The following COL27A1 variants were observed in gnomAD, a reference collection of about 807,000 sequenced individuals.
COL27A1 encodes collagen alpha-1(XXVII) chain.
COL27A1 carries 106 observed loss-of-function variants against 251.3 expected under a neutral mutation model. That is an observed-to-expected ratio of 0.42 (90% confidence interval 0.36 to 0.50). COL27A1 has a LOEUF of 0.50. Among genes scored for constraint, COL27A1 ranks in the 20% least tolerant of loss-of-function variants. COL27A1 has a pLI of 0.00. For synonymous variants in COL27A1, 1,000 were observed against 986.3 expected, an observed-to-expected ratio of 1.01 and a Z score of -0.26; for missense variants, 2,325 against 2,522.8, an observed-to-expected ratio of 0.92 and a Z score of 1.68.
intron 5 of COL27A1, 150 bp from the exon 6 acceptor site, chr9:114,194,254 A>G: frequency 1.3e-6 from 1 of 773,494 alleles, no homozygotes; most frequent in Admixed American, 2.1e-5. Context: ...GGAGTAGTAG[A>G]ATTGGAGAAG....
intron 27 of COL27A1, among the ~76,000 whole-genome samples, chr9:114,255,973 G>A (rs1833893494): frequency 6.6e-6 from 1 of 152,188 alleles, no homozygotes; most frequent in Admixed American, 6.5e-5. Flanking sequence ...ATCGGAAATG[G>A]TGCAGTGCAT....
Position 114,311,828 on chromosome 9 carries a change from G to A in COL27A1, c.*1133G>A, listed in dbSNP as rs1588915357. 6.6e-6 allele frequency: 1 copy of A among 152,228 alleles called. No homozygotes were observed. Among genetic ancestry groups the A allele is most frequent in the African/African-American group, 2.4e-5 (1 of 41,450 alleles). 9.4% of individuals were successfully genotyped at this position (152,228 alleles called of 1,614,324 possible). ...TTGGGTCAGGGCTAGGCTTAGAGGTGAAGCATCAACATGGAACCATCTCAG... is the reference window on the plus strand; with the variant it reads ...TTGGGTCAGGGCTAGGCTTAGAGGTAAAGCATCAACATGGAACCATCTCAG... On this transcript the variant is annotated 3_prime_UTR_variant, in exon 61 of 61. Transcript: ENST00000356083.
intron 5 of COL27A1, among the ~76,000 whole-genome samples, chr9:114,184,015 T>C (rs1023978765): frequency 1.3e-5 from 2 of 151,942 alleles, no homozygotes; most frequent in African/African-American, 4.8e-5. Flanking sequence ...AACATTTAGG[T>C]CATGGGAAAA....
intron 14 of COL27A1, among the ~76,000 whole-genome samples, 155 bp downstream of exon 14, chr9:114,222,422 A>G (rs1311938972): frequency 1.9e-5 from 2 of 105,072 alleles, no homozygotes; most frequent in Admixed American, 2.4e-4. Context: ...GGAGAGACCA[A>G]CCTGGGTGAG....
chr9:114,178,008 GA>G (rs1172191272), intron 3 of COL27A1, among the ~76,000 whole-genome samples: 1 of 152,190 alleles, frequency 6.6e-6, no homozygotes, highest in Non-Finnish European at 1.5e-5. Context: ...TAGAGGAAAA[GA>G]AGGGACTTTG....
intron 1 of COL27A1, among the ~76,000 whole-genome samples, chr9:114,159,470 G>T (rs1008213822): frequency 2.6e-5 from 4 of 152,152 alleles, no homozygotes; most frequent in African/African-American, 9.7e-5. Flanking sequence ...GCCAGACAAG[G>T]GCCAGGAAGA....
At chr9:114,194,082 G>A (rs908646783) in intron 5 of COL27A1, among the ~76,000 whole-genome samples, 2 of 152,200 alleles carry the variant, frequency 1.3e-5, no homozygotes, top group Non-Finnish European at 2.9e-5. Flanking sequence ...TGAGGATAGA[G>A]CAGAGGGACC....
chr9:114,213,670 G>A (rs1325463079), intron 12 of COL27A1, among the ~76,000 whole-genome samples: 3 of 152,170 alleles, frequency 2.0e-5, no homozygotes, highest in South Asian at 2.1e-4. Context: ...AGGAAGCAAC[G>A]AGTATTGAGG....
intron 23 of COL27A1, among the ~76,000 whole-genome samples, chr9:114,243,924 CATTTTTTTT>C (rs1379410058): frequency 0.023 from 3,160 of 138,056 alleles, 150 homozygotes; most frequent in African/African-American, 0.084. Context: ...TTTTTTCTTT[CATTTTTTTT>C]TTTTTTTTTT....
intron 41 of COL27A1, among the ~76,000 whole-genome samples, chr9:114,286,071 C>A (rs968807169): frequency 1.3e-5 from 2 of 152,186 alleles, no homozygotes; most frequent in African/African-American, 4.8e-5. Flanking sequence ...GTTCATTCCT[C>A]CAGCTCTCCA....
At chr9:114,235,737 C>G (rs147914140) in intron 17 of COL27A1, 85 bp downstream of exon 17, 162 of 1,024,208 alleles carry the variant, frequency 1.6e-4, no homozygotes, top group Admixed American at 3.9e-4. Context: ...TAGGGTCCAT[C>G]ATGAGCAAGG....
chr9:114,279,909 A>C (rs532543152), intron 37 of COL27A1, among the ~76,000 whole-genome samples: 5 of 152,286 alleles, frequency 3.3e-5, no homozygotes, highest in East Asian at 1.9e-4. Flanking sequence ...ATATATCCAA[A>C]TATTATCATT....
At chr9:114,167,645 A>T in intron 2 of COL27A1, 44 bp from the exon 3 acceptor site, 1 of 1,533,426 alleles carries the variant, frequency 6.5e-7, no homozygotes, top group Non-Finnish European at 8.9e-7. Flanking sequence ...GGTGGGCTGG[A>T]GCAGGCCCTG....
rs572699074 is a variant in COL27A1 at position 114,240,211 on chromosome 9, T to A, written c.2728-9T>A. ...CCCGTGGGTGACCCTGCTCTCTGCT[T>A]CCCCTCAGGGATTCCCAGGAGACAT... On this transcript the variant is annotated splice_polypyrimidine_tract_variant and intron_variant, in intron 19 of 60. Transcript: ENST00000356083. The A allele has an allele frequency of 1.2e-6, 2 of 1,612,798 alleles. No homozygotes were observed. Among genetic ancestry groups the A allele is most frequent in the East Asian group, 4.5e-5 (2 of 44,852 alleles).
intron 41 of COL27A1, among the ~76,000 whole-genome samples, chr9:114,285,376 G>A (rs1277659065): frequency 1.3e-5 from 2 of 152,148 alleles, no homozygotes; most frequent in Non-Finnish European, 2.9e-5. Flanking sequence ...GGCCAGGAGT[G>A]CCAGAAGGTC....
chr9:114,162,031 G>A (rs1343611381), intron 1 of COL27A1, among the ~76,000 whole-genome samples: 1 of 152,194 alleles, frequency 6.6e-6, no homozygotes, highest in Non-Finnish European at 1.5e-5. Flanking sequence ...ACTCATTCGG[G>A]GTCATACAGC....
At chr9:114,163,403 T>TAAAAAAA (rs778377725) in intron 2 of COL27A1, among the ~76,000 whole-genome samples, 1 of 140,718 alleles carries the variant, frequency 7.1e-6, no homozygotes, top group Non-Finnish European at 1.5e-5. Flanking sequence ...TAAGAACTGC[T>TAAAAAAA]AAAAAAAAAA....
Position 114,161,893 on chromosome 9 carries a change from T to C in COL27A1, c.63-822T>C, listed in dbSNP as rs554516998. Among the ~76,000 whole-genome samples, 18 of 152,186 alleles carry C rather than the reference T, an allele frequency of 1.2e-4. No individual in the cohort carries two copies. In the East Asian group the frequency reaches 3.3e-3, roughly 28 times the overall value. On this transcript the variant is annotated intron_variant, in intron 1 of 60. Transcript: ENST00000356083. ...ACAGTGGGGACCATCTAGGGGAGTA[T>C]TTTTGTGGCTGGCAGCAGACTGAGC...
At chr9:114,253,423 A>G (rs548196220) in intron 27 of COL27A1, among the ~76,000 whole-genome samples, 1 of 145,842 alleles carries the variant, frequency 6.9e-6, no homozygotes, top group South Asian at 2.4e-4. Flanking sequence ...AGAAGAGGAG[A>G]AAAAAGAGGA....
Sources: allele counts gnomAD v4.1 joint callset (sites outside exome capture counted in the v4.1 genomes callset), GRCh38; gene constraint gnomAD v4.1.1; transcripts MANE v1.5; gene names NCBI Gene and HGNC (gene_info 2026-07-23, HGNC 2026-07-21).